CNTN6: variants seen among roughly 807,000 people sequenced by gnomAD.
CNTN6 encodes the protein contactin-6.
CNTN6 carries 137 observed loss-of-function variants against 122.8 expected under a neutral mutation model. The observed-to-expected ratio is 1.12, with a 90% CI of 0.97 to 1.29. CNTN6 has a LOEUF of 1.29. Ranked by LOEUF, CNTN6 falls within the 50% of genes most tolerant of loss-of-function variation. CNTN6 has a pLI of 0.00. For missense variants in CNTN6, 1,634 were observed against 1,223.4 expected (o/e 1.34, Z -5.01); for synonymous variants, 570 against 426.0 (o/e 1.34, Z -4.16).
At chr3:1,176,111 G>C (rs963820622) in intron 2 of CNTN6, among the ~76,000 whole-genome samples, 1 of 152,146 alleles carries the variant, frequency 6.6e-6, no homozygotes, top group African/African-American at 2.4e-5. Context: ...GAAGGAAAAG[G>C]AGTCAGAGTT....
At chr3:1,337,624 A>G (rs1397217271) in intron 11 of CNTN6, among the ~76,000 whole-genome samples, 1 of 152,102 alleles carries the variant, frequency 6.6e-6, no homozygotes, top group Non-Finnish European at 1.5e-5. Context: ...AGGCAAATGA[A>G]CCATATGTTC....
intron 8 of CNTN6, 75 bp downstream of exon 8, chr3:1,321,909 C>A: frequency 7.7e-7 from 1 of 1,295,322 alleles, no homozygotes; most frequent in Non-Finnish European, 1.1e-6. Context: ...AAGTCATTAG[C>A]ATGTTGTGAA....
intron 20 of CNTN6, among the ~76,000 whole-genome samples, chr3:1,398,707 T>C (rs537572921): frequency 9.1e-4 from 125 of 137,922 alleles, no homozygotes; most frequent in Middle Eastern, 3.5e-3. Flanking sequence ...TTAGGAGTTA[T>C]TCGTTTCATT....
chr3:1,262,967 T>C (rs914197396), intron 4 of CNTN6, among the ~76,000 whole-genome samples: 1 of 152,066 alleles, frequency 6.6e-6, no homozygotes, highest in African/African-American at 2.4e-5. Flanking sequence ...AATCTACATA[T>C]CGTTTAAATC....
intron 4 of CNTN6, among the ~76,000 whole-genome samples, chr3:1,238,920 A>C (rs1349056317): frequency 1.3e-5 from 2 of 152,194 alleles, no homozygotes; most frequent in African/African-American, 2.4e-5. Flanking sequence ...AGAAGAGAGA[A>C]GATCCAAATA....
intron 2 of CNTN6, among the ~76,000 whole-genome samples, chr3:1,208,120 T>G (rs57028995): frequency 0.096 from 14,593 of 152,106 alleles, 1,646 homozygotes; most frequent in East Asian, 0.5. Context: ...CCTTGATCTG[T>G]GGTTTCTCTT....
At chr3:1,101,506 G>A (rs898047716) in intron 1 of CNTN6, among the ~76,000 whole-genome samples, 1 of 152,086 alleles carries the variant, frequency 6.6e-6, no homozygotes, top group South Asian at 2.1e-4. Context: ...GTTCCCATCC[G>A]CTTTCCATCA....
chr3:1,330,067 C>T, intron 11 of CNTN6, 132 bp downstream of exon 11: 1 of 542,800 alleles, frequency 1.8e-6, no homozygotes, highest in Non-Finnish European at 3.0e-6. Flanking sequence ...GAGACGCCAG[C>T]ATTCTTCTCA....
chr3:1,193,971 T>C (rs182714466), intron 2 of CNTN6, among the ~76,000 whole-genome samples: 1 of 152,220 alleles, frequency 6.6e-6, no homozygotes, highest in East Asian at 1.9e-4. Flanking sequence ...CTTTTATCTA[T>C]GTTTTTTTTC....
intron 4 of CNTN6, among the ~76,000 whole-genome samples, chr3:1,242,024 G>A (rs1157926828): frequency 6.6e-6 from 1 of 152,250 alleles, no homozygotes; most frequent in Non-Finnish European, 1.5e-5. Flanking sequence ...AGGAGTTGTT[G>A]TTTTGTAGAA....
chr3:1,303,507 G>A (rs1344418748), intron 7 of CNTN6, among the ~76,000 whole-genome samples: 1 of 152,042 alleles, frequency 6.6e-6, no homozygotes, highest in Non-Finnish European at 1.5e-5. Context: ...CTCCACTCTT[G>A]CCCTTGGGTT....
chr3:1,372,790 T>A (rs1159278853), intron 13 of CNTN6, 48 bp from the exon 14 acceptor site: 1 of 1,144,282 alleles, frequency 8.7e-7, no homozygotes, highest in East Asian at 2.4e-5. Context: ...AAGTAGGACT[T>A]GTTATATGGG....
At chr3:1,325,983 C>G (rs746083209) in intron 9 of CNTN6, 32 bp downstream of exon 9, 3 of 1,586,370 alleles carry the variant, frequency 1.9e-6, no homozygotes, top group South Asian at 2.3e-5. Flanking sequence ...AAAAGTTTAC[C>G]TACTCTACTA....
intron 7 of CNTN6, among the ~76,000 whole-genome samples, chr3:1,309,352 A>G (rs956857700): frequency 6.6e-6 from 1 of 152,128 alleles, no homozygotes; most frequent in Non-Finnish European, 1.5e-5. Context: ...TAACATATGG[A>G]CTTCCAATCG....
intron 17 of CNTN6, among the ~76,000 whole-genome samples, chr3:1,382,736 A>AACTT (rs1314372048): frequency 6.6e-6 from 1 of 152,210 alleles, no homozygotes; most frequent in Non-Finnish European, 1.5e-5. Flanking sequence ...TCTATCTGAA[A>AACTT]ACTTAAACTA....
intron 2 of CNTN6, among the ~76,000 whole-genome samples, chr3:1,202,283 G>A (rs1180236443): frequency 1.3e-5 from 2 of 152,228 alleles, no homozygotes; most frequent in Non-Finnish European, 1.5e-5. Flanking sequence ...GCTCACGCCT[G>A]TAATCCCAGC....
intron 7 of CNTN6, 165 bp downstream of exon 7, chr3:1,298,156 A>G (rs1696602077): frequency 7.0e-6 from 4 of 573,358 alleles, no homozygotes; most frequent in Non-Finnish European, 1.2e-5. Context: ...CATGTCTAAT[A>G]CTGAGACAAT....
chr3:1,243,205 C>A (rs9857510), intron 4 of CNTN6, among the ~76,000 whole-genome samples: 1 of 151,796 alleles, frequency 6.6e-6, no homozygotes, highest in Non-Finnish European at 1.5e-5. Context: ...AGATGGGACG[C>A]GGCTTACGAG....
intron 2 of CNTN6, among the ~76,000 whole-genome samples, chr3:1,168,401 C>T (rs1025993303): frequency 2.7e-5 from 4 of 148,596 alleles, no homozygotes; most frequent in African/African-American, 7.5e-5. Context: ...ACTCTGTATA[C>T]AGGAGGTAGT....
Sources: gnomAD v4.1 joint callset for allele counts (sites outside exome capture counted in the v4.1 genomes callset) on GRCh38, gnomAD v4.1.1 for gene constraint, MANE v1.5 for transcripts, NCBI Gene and HGNC (gene_info 2026-07-23, HGNC 2026-07-21) for gene names.